The following NLGN3 variants were observed in gnomAD, a reference collection of about 807,000 sequenced individuals.
NLGN3 encodes the protein neuroligin-3.
A neutral mutation model predicts 42.9 loss-of-function variants in NLGN3; 11 were observed. The observed-to-expected ratio is 0.26, with a 90% CI of 0.16 to 0.42. The LOEUF (loss-of-function observed/expected upper bound fraction) is 0.42, where lower values mean the gene tolerates loss of function less well. NLGN3 is among the 10% of genes least tolerant of loss of function. NLGN3 has a pLI of 1.00. For missense variants in NLGN3, 374 were observed against 733.8 expected, an observed-to-expected ratio of 0.51 and a Z score of 5.67; for synonymous variants, 279 against 312.7, an observed-to-expected ratio of 0.89 and a Z score of 1.14.
At position 71,170,217 on chromosome X, in the gene NLGN3, G is replaced by A. The variant is rs1030015807; in HGVS notation, c.*120G>A. Reference sequence around the variant, plus strand: ...CACACACACATATATGTATACGCACGCACCCACACCCTACAGCAGATCCAC... The same window carrying A: ...CACACACACATATATGTATACGCACACACCCACACCCTACAGCAGATCCAC... On this transcript the variant is annotated 3_prime_UTR_variant, in exon 8 of 8. Transcript: ENST00000358741. 1.6e-5 allele frequency: 18 copies of A among 1,157,152 alleles called. No homozygotes were observed. The highest frequency in any genetic ancestry group is 2.5e-5 in the Admixed American group (1 of 39,426).
chrX:71,163,993 A>G, intron 5 of NLGN3, 150 bp from the exon 6 acceptor site: 1 of 547,872 alleles, frequency 1.8e-6, no homozygotes, highest in Non-Finnish European at 3.1e-6. Flanking sequence ...CATTGCAGAA[A>G]GGAGCACTGC....
chrX:71,159,770 G>T (rs1221767474), intron 5 of NLGN3, among the ~76,000 whole-genome samples: 2 of 108,192 alleles, frequency 1.8e-5, no homozygotes, highest in African/African-American at 6.8e-5. Context: ...TGTCACCCAG[G>T]CTGGAGTGCA....
At chrX:71,146,153 T>TCTCTCACACACACACA (rs1185227027) in intron 1 of NLGN3, among the ~76,000 whole-genome samples, 1 of 26,343 alleles carries the variant, frequency 3.8e-5, no homozygotes, top group African/African-American at 1.6e-4. Flanking sequence ...TCTCTCTCTC[T>TCTCTCACACACACACA]CACACACACA....
intron 3 of NLGN3, among the ~76,000 whole-genome samples, chrX:71,151,241 G>A (rs1463191895): frequency 9.1e-6 from 1 of 109,653 alleles, no homozygotes; most frequent in East Asian, 2.9e-4. Flanking sequence ...CCCAGGAGGT[G>A]GAGGTTGCAG....
chrX:71,146,162 C>CACACAG (rs1569483382), intron 1 of NLGN3, among the ~76,000 whole-genome samples: 53 of 53,529 alleles, frequency 9.9e-4, no homozygotes, highest in Non-Finnish European at 1.2e-3. Context: ...CTCACACACA[C>CACACAG]ACACACACAG....
At chrX:71,165,659 G>A (rs1237288389) in intron 6 of NLGN3, among the ~76,000 whole-genome samples, 2 of 110,951 alleles carry the variant, frequency 1.8e-5, no homozygotes, top group Admixed American at 9.6e-5. Flanking sequence ...AGAGTAGCTG[G>A]GGACTACAGG....
rs2092469386 is a variant in NLGN3 at position 71,170,869 on chromosome X, C to G, written c.*772C>G. 1.3e-6 allele frequency: 1 copy of G among 755,699 alleles called. No individual in the cohort carries two copies. The highest frequency in any genetic ancestry group is 2.3e-5 in the African/African-American group (1 of 43,912). 62.3% of individuals were successfully genotyped at this position (755,699 alleles called of 1,213,427 possible). A position where few individuals can be genotyped will look rare whatever the true frequency, so the allele number is the denominator to read the frequency against. On this transcript the variant is annotated 3_prime_UTR_variant, in exon 8 of 8. Transcript: ENST00000358741. ...GCAGGGTGACCTGCTTCCCCAAAGG[C>G]CAACAGCATTGGCCTGGCCAGACCA...
At chrX:71,151,984 T>C (rs1466215225) in intron 3 of NLGN3, among the ~76,000 whole-genome samples, 2 of 111,944 alleles carry the variant, frequency 1.8e-5, no homozygotes, top group African/African-American at 3.3e-5. Context: ...AGAGGCAATT[T>C]CTCCCCTAGA....
intron 5 of NLGN3, among the ~76,000 whole-genome samples, chrX:71,162,925 T>C (rs1338440584): frequency 3.6e-5 from 4 of 111,818 alleles, no homozygotes; most frequent in African/African-American, 1.3e-4. Flanking sequence ...TTCCAATGTG[T>C]AGGAGCTTCA....
intron 3 of NLGN3, among the ~76,000 whole-genome samples, chrX:71,150,109 T>G: frequency 9.0e-6 from 1 of 111,156 alleles, no homozygotes; most frequent in Non-Finnish European, 1.9e-5. Context: ...GAGCATGGAA[T>G]GAGACCCGCT....
intron 5 of NLGN3, among the ~76,000 whole-genome samples, chrX:71,159,288 T>C (rs1338083516): frequency 9.2e-6 from 1 of 108,557 alleles, no homozygotes; most frequent in African/African-American, 3.4e-5. Flanking sequence ...GCCACTGCAC[T>C]CTAGCCTGGG....
chrX:71,172,627 C>CGTGT (rs59876964), downstream of NLGN3, among the ~76,000 whole-genome samples: 1,897 of 100,444 alleles, frequency 0.019, 33 homozygotes, highest in African/African-American at 0.049. Flanking sequence ...TGTGTGCATG[C>CGTGT]GTGTGTGTGT....
downstream of NLGN3, among the ~76,000 whole-genome samples, chrX:71,172,620 G>GTGCA (rs2092472928): frequency 1.1e-5 from 1 of 87,059 alleles, no homozygotes; most frequent in African/African-American, 6.0e-5. Flanking sequence ...CTGTGTGTGT[G>GTGCA]TGCATGCGTG....
chrX:71,149,987 G>A (rs1293898934), intron 3 of NLGN3, among the ~76,000 whole-genome samples: 3 of 111,018 alleles, frequency 2.7e-5, no homozygotes, highest in Non-Finnish European at 5.7e-5. Flanking sequence ...CTCAGAATGG[G>A]GTTGCCAGGA....
At chrX:71,172,824 A>G (rs573208275), downstream of NLGN3, among the ~76,000 whole-genome samples, 57 of 111,799 alleles carry the variant, frequency 5.1e-4, no homozygotes, top group African/African-American at 1.6e-3. Context: ...AATGAGATCA[A>G]GTGAAATACA....
intron 3 of NLGN3, among the ~76,000 whole-genome samples, chrX:71,150,601 T>C (rs1301226671): frequency 2.9e-5 from 3 of 102,711 alleles, no homozygotes; most frequent in East Asian, 3.0e-4. Flanking sequence ...ACTCGGGAGG[T>C]TGAGGCAGGA....
At chrX:71,174,525 C>A (rs1016441308), downstream of NLGN3, among the ~76,000 whole-genome samples, 1 of 111,874 alleles carries the variant, frequency 8.9e-6, no homozygotes, top group African/African-American at 3.2e-5. Context: ...CAAAAGGAAG[C>A]GACGATCACT....
In NLGN3 at chrX:71,148,183, A is replaced by C; in HGVS notation, c.434A>C (p.Asn145Thr). Residue 145 changes from asparagine (N) to threonine (T), a missense_variant, in exon 2 of 8, where the codon AAC becomes ACC. Asn to Thr is a moderately conservative substitution (Grantham distance 65). Coordinates refer to ENST00000358741, the MANE Select transcript of NLGN3 (RefSeq NM_181303.2). Reference protein sequence around the residue: ...QEPNEDCLYLNVYVPTEDVKR... With the variant: ...QEPNEDCLYLTVYVPTEDVKR... ...CCCAACGAAGACTGTCTCTACCTGA[A>C]CGTCTATGTGCCGACGGAGGATGGT... 8.3e-7 allele frequency: 1 copy of C among 1,209,766 alleles called. No individual in the cohort carries two copies. The highest frequency in any genetic ancestry group is 1.1e-6 in the Non-Finnish European group (1 of 894,001).
At position 71,169,590 on chromosome X, in the gene NLGN3, C is replaced by T. The variant is rs6624535; in HGVS notation, c.2040C>T (p.Asn680=). ...KRPAISPAYS[N]ENAQGSWNGD... is the part of the protein sequence containing the mutation. ...CAGCCATCTCACCTGCCTACAGCAA[C>T]GAGAATGCCCAGGGGTCCTGGAACG... The change falls in exon 8 of 8, where the codon AAC becomes AAT. Residue 680 remains asparagine, a synonymous_variant. Transcript: ENST00000358741. 67 of 1,210,482 alleles carry T rather than the reference C, an allele frequency of 5.5e-5. 1 individual carries two copies. Among genetic ancestry groups the T allele is most frequent in the South Asian group, 3.7e-4 (21 of 56,880 alleles).
Sources: gnomAD v4.1 joint callset for allele counts (sites outside exome capture counted in the v4.1 genomes callset) on GRCh38, gnomAD v4.1.1 for gene constraint, MANE v1.5 for transcripts, NCBI Gene and HGNC (gene_info 2026-07-23, HGNC 2026-07-21) for gene names.